GBP5: variants seen among roughly 807,000 people sequenced by gnomAD.
The protein encoded by GBP5 is guanylate-binding protein 5.
Under a neutral mutation model 58.2 loss-of-function variants are expected in GBP5, and 48 were observed. The ratio of observed to expected loss-of-function variants is 0.83; its 90% confidence interval spans 0.65 to 1.05. The LOEUF (loss-of-function observed/expected upper bound fraction) is 1.05, where lower values mean the gene tolerates loss of function less well. GBP5 is among the 50% of genes least tolerant of loss of function. The pLI is 0.00. For missense variants in GBP5, 714 were observed against 686.8 expected (o/e 1.04, Z -0.44); for synonymous variants, 248 against 251.8 (o/e 0.98, Z 0.14).
At chr1:89,271,947 C>T (rs1175958805) in intron 1 of GBP5, 1 of 152,178 alleles carries the variant, frequency 6.6e-6, no homozygotes, top group African/African-American at 2.4e-5. Context: ...TACTTTCAAA[C>T]AAAGTACAAG....
chr1:89,262,137 G>T, intron 11 of GBP5, 83 bp downstream of exon 11: 2 of 1,349,368 alleles, frequency 1.5e-6, no homozygotes, highest in Non-Finnish European at 2.1e-6. Flanking sequence ...AGAGCCACAA[G>T]ATCTTGCTGC....
In GBP5 at chr1:89,267,205, T is replaced by C. The variant is rs776131481; in HGVS notation, c.429-52A>G. ...AGAAATAGGACCACATCTAAACCCATACTTAATTCCATTTTCCCCCAAACC... is the reference window on the plus strand; with the variant it reads ...AGAAATAGGACCACATCTAAACCCACACTTAATTCCATTTTCCCCCAAACC... On this transcript the variant is annotated intron_variant, in intron 5 of 11. Coordinates refer to ENST00000370459, the MANE Select transcript of GBP5 (RefSeq NM_052942.5). 71 of 1,426,440 alleles carry C rather than the reference T, an allele frequency of 5.0e-5. 1 individual carries two copies. Among genetic ancestry groups the C allele is most frequent in the Non-Finnish European group, 6.7e-5 (70 of 1,044,532 alleles). The allele number at this position is 1,426,440 out of a possible 1,614,324, so 88.4% of individuals were successfully genotyped here. A position where few individuals can be genotyped will look rare whatever the true frequency, so the allele number is the denominator to read the frequency against.
intron 1 of GBP5, 36 bp from the exon 2 acceptor site, chr1:89,270,898 A>G (rs895795241): frequency 6.6e-6 from 1 of 152,204 alleles, no homozygotes; most frequent in African/African-American, 2.4e-5. Context: ...CAAATCTATA[A>G]GCAGATATTG....
At chr1:89,269,649 T>C in intron 2 of GBP5, 75 bp from the exon 3 acceptor site, 1 of 1,023,644 alleles carries the variant, frequency 9.8e-7, no homozygotes, top group South Asian at 1.5e-5. Flanking sequence ...TTTTGCTTAC[T>C]GAACCTGGGG....
chr1:89,263,203 A>T (rs1384202671), intron 9 of GBP5: 4 of 163,688 alleles, frequency 2.4e-5, no homozygotes, highest in African/African-American at 4.8e-5. Flanking sequence ...TTAAGCTTGG[A>T]CCTGTTGGTG....
At chr1:89,262,955 G>A (rs961884508) in intron 9 of GBP5, 170 bp from the exon 10 acceptor site, 5 of 465,680 alleles carry the variant, frequency 1.1e-5, no homozygotes, top group African/African-American at 8.2e-5. Flanking sequence ...CCTGCACTTG[G>A]TGGAACTGCC....
In GBP5 at chr1:89,268,621, G is replaced by T. The variant is rs143776111; in HGVS notation, c.318+108C>A. On this transcript the variant is annotated intron_variant, in intron 4 of 11. Coordinates refer to ENST00000370459, the MANE Select transcript of GBP5 (RefSeq NM_052942.5). ...AAAAATACAAAGGAAAACAATGGGG[G>T]TATACATTGGTCAAGTGGAACTACA... 9.0e-4 allele frequency: 940 copies of T among 1,042,304 alleles called. 13 individuals are homozygous for T. The Admixed American group carries it at 0.017, about 19-fold the overall frequency. The allele number at this position is 1,042,304 out of a possible 1,614,324, so 64.6% of individuals were successfully genotyped here. A position where few individuals can be genotyped will look rare whatever the true frequency, so the allele number is the denominator to read the frequency against.
At position 89,268,846 on chromosome 1, in the gene GBP5, A is replaced by C. The variant is rs1650330675; in HGVS notation, c.201T>G (p.Val67=). Residue 67 remains valine (V), a synonymous_variant, in exon 4 of 12, where the codon GTT becomes GTG. Coordinates refer to ENST00000370459, the MANE Select transcript of GBP5 (RefSeq NM_052942.5). Reference sequence around the variant, plus strand: ...TGGTGTGAGACTGCACCGTAGATGCAACAGAGAAGCCTGTCAGGGGGAGTG... The same window carrying C: ...TGGTGTGAGACTGCACCGTAGATGCCACAGAGAAGCCTGTCAGGGGGAGTG... ...KLAGKNKGFS[V]ASTVQSHTKG... 1.9e-6 allele frequency: 3 copies of C among 1,613,900 alleles called. No individual in the cohort carries two copies. The African/African-American group carries it at 4.0e-5, about 22-fold the overall frequency.
chr1:89,267,535 C>A lies in GBP5; in HGVS notation c.319-9G>T. On this transcript the variant is annotated splice_polypyrimidine_tract_variant and intron_variant, in intron 4 of 11. Coordinates refer to ENST00000370459, the MANE Select transcript of GBP5 (RefSeq NM_052942.5). ...TCATTCTTGTTGTCAGCCTAGAAGT[C>A]AGACCAAATTTAAGTCATGTCTCAT... 6.3e-7 allele frequency: 1 copy of A among 1,589,898 alleles called. No homozygotes were observed. The highest frequency in any genetic ancestry group is 1.1e-5 in the South Asian group (1 of 90,514).
Position 89,268,730 on chromosome 1 carries a change from T to C in GBP5, c.317A>G (p.Lys106Arg). ...LDTEGLGDVE[K>R]ADNKNDIQIF... ...TTAAAAAAAGGAATCCTTCCTTACC[T>C]TCTCTACATCTCCCAGGCCCTCGGT... is the stretch of plus-strand genomic sequence containing the variant. Residue 106 changes from lysine to arginine, a missense_variant and splice_region_variant, in exon 4 of 12, where the codon AAG (lysine) becomes AGG (arginine). Physicochemically the swap from Lys to Arg is conservative, Grantham distance 26. Coordinates refer to ENST00000370459, the MANE Select transcript of GBP5 (RefSeq NM_052942.5). 1.2e-6 allele frequency: 2 copies of C among 1,613,968 alleles called. No individual in the cohort carries two copies. Among genetic ancestry groups the C allele is most frequent in the Non-Finnish European group, 1.7e-6 (2 of 1,179,908 alleles).
rs1389450268 is a variant in GBP5 at position 89,259,217 on chromosome 1, G to C, written c.*1487C>G. ...AATAATTAAGTCCAATATAAATTGT[G>C]TTCAGGTTATAAAATGCCCTATTTA... On this transcript the variant is annotated 3_prime_UTR_variant, in exon 12 of 12. Transcript: ENST00000370459. 1 of 152,106 alleles carries C rather than the reference G, an allele frequency of 6.6e-6. No homozygotes were observed. Among genetic ancestry groups the C allele is most frequent in the Non-Finnish European group, 1.5e-5 (1 of 68,014 alleles). 9.4% of individuals were successfully genotyped at this position (152,106 alleles called of 1,614,324 possible).
At chr1:89,265,109 G>A (rs558409709) in intron 7 of GBP5, 143 bp from the exon 8 acceptor site, 5 of 719,148 alleles carry the variant, frequency 7.0e-6, no homozygotes, top group Non-Finnish European at 8.9e-6. Context: ...GCCCAAATAA[G>A]TTTATTTGGG....
intron 11 of GBP5, among the ~76,000 whole-genome samples, chr1:89,261,598 A>T (rs1169246237): frequency 1.3e-5 from 2 of 152,214 alleles, no homozygotes; most frequent in Non-Finnish European, 2.9e-5. Flanking sequence ...TTTACAGTGA[A>T]TGGATTAGAT....
chr1:89,266,260 A>G, intron 7 of GBP5, 86 bp downstream of exon 7: 2 of 1,181,128 alleles, frequency 1.7e-6, no homozygotes, highest in Non-Finnish European at 2.4e-6. Flanking sequence ...GCATTTGTCA[A>G]CATTGACAAT....
chr1:89,256,362 G>C lies in GBP5; in HGVS notation c.*4342C>G, dbSNP rs542040745. ...AATAGTTGTGAAAGTTGTGATATTA[G>C]TTGGCTCTAGCAGGGTTGTCAGAAG... On this transcript the variant is annotated 3_prime_UTR_variant, in exon 12 of 12. Transcript: ENST00000370459. 2.0e-5 allele frequency among the ~76,000 whole-genome samples: 3 copies of C among 152,308 alleles called. No homozygotes were observed. The highest frequency in any genetic ancestry group is 7.2e-5 in the African/African-American group (3 of 41,556).
At chr1:89,269,048 A>T (rs1650337752) in intron 3 of GBP5, among the ~76,000 whole-genome samples, 192 bp from the exon 4 acceptor site, 1 of 152,140 alleles carries the variant, frequency 6.6e-6, no homozygotes, top group Non-Finnish European at 1.5e-5. Flanking sequence ...TGATATTAAA[A>T]AAATATTATG....
Position 89,268,787 on chromosome 1 carries a change from T to G in GBP5, c.260A>C (p.Asn87Thr). 1 of 1,613,980 alleles carries G rather than the reference T, an allele frequency of 6.2e-7. No individual in the cohort carries two copies. Among genetic ancestry groups the G allele is most frequent in the South Asian group, 1.1e-5 (1 of 91,074 alleles). The change falls in exon 4 of 12, where the codon AAC becomes ACC. Residue 87 changes from asparagine (N) to threonine (T), a missense_variant. Transcript: ENST00000370459. ...GIWIWCVPHP[N>T]WPNHTLVLLD... ...CAGAACTAATGTGTGATTTGGCCAG[T>G]TGGGATGAGGCACACACCATATCCA...
rs1246471181 is a variant in GBP5 at position 89,257,453 on chromosome 1, A to C, written c.*3251T>G. ...TGAGTGGACACAGCCAAACCGTATC[A>C]CTAAGCAAGATAAGAAAGTACCACA... On this transcript the variant is annotated 3_prime_UTR_variant, in exon 12 of 12. Transcript: ENST00000370459. Among the ~76,000 whole-genome samples, 1 of 152,226 alleles carries C rather than the reference A, an allele frequency of 6.6e-6. No homozygotes were observed. Among genetic ancestry groups the C allele is most frequent in the Admixed American group, 6.5e-5 (1 of 15,286 alleles).
chr1:89,267,754 G>A (rs371097464), intron 4 of GBP5, among the ~76,000 whole-genome samples: 15 of 152,074 alleles, frequency 9.9e-5, no homozygotes, highest in African/African-American at 3.6e-4. Context: ...AAATTAGTGG[G>A]GTGATCAGAG....
Sources: gnomAD v4.1 joint callset for allele counts (sites outside exome capture counted in the v4.1 genomes callset) on GRCh38, gnomAD v4.1.1 for gene constraint, MANE v1.5 for transcripts, NCBI Gene and HGNC (gene_info 2026-07-23, HGNC 2026-07-21) for gene names.